The following ERLIN2 variants were observed in gnomAD, a reference collection of about 807,000 sequenced individuals.
ERLIN2 encodes ER lipid raft associated 2.
ERLIN2 carries 22 observed loss-of-function variants against 41.5 expected under a neutral mutation model. The ratio of observed to expected loss-of-function variants is 0.53; its 90% CI spans 0.38 to 0.76. The LOEUF is 0.76. Among genes scored for constraint, ERLIN2 ranks in the 30% least tolerant of loss-of-function variants. ERLIN2 has a pLI of 0.00. For missense variants in ERLIN2, 247 were observed against 414.3 expected (o/e 0.60, Z 3.51); for synonymous variants, 149 against 150.9 (o/e 0.99, Z 0.09).
At chr8:37,744,219 C>G in intron 4 of ERLIN2, 136 bp from the exon 5 acceptor site, 1 of 814,704 alleles carries the variant, frequency 1.2e-6, no homozygotes, top group Non-Finnish European at 2.2e-6. Context: ...ACTTGGAGAT[C>G]CAAGCTGCCT....
At chr8:37,744,527 G>A (rs925560594) in intron 5 of ERLIN2, 44 bp from the exon 6 acceptor site, 11 of 1,613,784 alleles carry the variant, frequency 6.8e-6, no homozygotes, top group African/African-American at 1.3e-5. Flanking sequence ...AGGGCATTTT[G>A]AGTCTTGCCT....
chr8:37,742,248 G>A (rs1802876046), intron 4 of ERLIN2, among the ~76,000 whole-genome samples: 1 of 151,820 alleles, frequency 6.6e-6, no homozygotes, highest in Admixed American at 6.6e-5. Flanking sequence ...GGCTGAGGCA[G>A]GGGAATGACT....
chr8:37,742,505 G>A (rs1367649326), intron 4 of ERLIN2, among the ~76,000 whole-genome samples: 3 of 152,010 alleles, frequency 2.0e-5, no homozygotes, highest in South Asian at 2.1e-4. Context: ...CCTTTGCACG[G>A]GACATGGATG....
At chr8:37,745,508 A>T in intron 6 of ERLIN2, 1 of 1,540,476 alleles carries the variant, frequency 6.5e-7, no homozygotes, top group South Asian at 1.1e-5. Context: ...GAAATTCTCT[A>T]ATAGCCAATG....
chr8:37,751,775 G>C, intron 10 of ERLIN2, 60 bp downstream of exon 10: 1 of 1,313,754 alleles, frequency 7.6e-7, no homozygotes, highest in Non-Finnish European at 1.1e-6. Flanking sequence ...TGGCCAGTGG[G>C]TTGGGGAGCC....
intron 4 of ERLIN2, among the ~76,000 whole-genome samples, chr8:37,742,276 G>C (rs1275799560): frequency 6.6e-6 from 1 of 150,968 alleles, no homozygotes; most frequent in Non-Finnish European, 1.5e-5. Flanking sequence ...GGGAGGCAGA[G>C]ATTGCAGTGA....
Position 37,745,709 on chromosome 8 carries a change from G to A in ERLIN2, c.424+1013G>A, listed in dbSNP as rs933810274. On this transcript the variant is annotated intron_variant, in intron 6 of 11. Coordinates refer to ENST00000519638, the MANE Select transcript of ERLIN2 (RefSeq NM_007175.8). ...GCCTTTTGCACCATTTAAGATTTAGGAAATCATCCAAATTACTTTTAATGT... is the reference window on the plus strand; with the variant it reads ...GCCTTTTGCACCATTTAAGATTTAGAAAATCATCCAAATTACTTTTAATGT... 3.2e-6 allele frequency: 5 copies of A among 1,576,428 alleles called. No individual in the cohort carries two copies. In the African/African-American group the frequency reaches 6.8e-5, roughly 21 times the overall value.
chr8:37,751,269 T>G (rs1330039832), intron 9 of ERLIN2, among the ~76,000 whole-genome samples: 1 of 152,262 alleles, frequency 6.6e-6, no homozygotes, highest in Admixed American at 6.5e-5. Context: ...AGCTATGTTC[T>G]AAGTCACTGC....
At position 37,755,555 on chromosome 8, in the gene ERLIN2, A is replaced by ACCCCCCCCCCCCCCCCCCCCCCCCCCC. The variant is rs1803335056; in HGVS notation, c.*1446_*1447insCCCCCCCCCCCCCCCCCCCCCCCCCCC. ...TTGGCCCTGTTATGAGCTGACCCCC[A>ACCCCCCCCCCCCCCCCCCCCCCCCCCC]CCCCCCACCCCCCACCCCCCCCCCC... On this transcript the variant is annotated 3_prime_UTR_variant, in exon 12 of 12. Transcript: ENST00000519638. 1 of 62,400 alleles carries ACCCCCCCCCCCCCCCCCCCCCCCCCCC rather than the reference A, an allele frequency of 1.6e-5. No homozygotes were observed. Among genetic ancestry groups the ACCCCCCCCCCCCCCCCCCCCCCCCCCC allele is most frequent in the African/African-American group, 6.4e-5 (1 of 15,648 alleles). The allele number at this position is 62,400 out of a possible 1,614,324, so 3.9% of individuals were successfully genotyped here.
At chr8:37,750,988 G>A (rs1386419785) in intron 9 of ERLIN2, among the ~76,000 whole-genome samples, 1 of 152,084 alleles carries the variant, frequency 6.6e-6, no homozygotes, top group Non-Finnish European at 1.5e-5. Flanking sequence ...CAAAGTGCTG[G>A]GATTACAGAC....
Position 37,754,155 on chromosome 8 carries a change from C to G in ERLIN2, c.*40C>G, listed in dbSNP as rs1470418250. 1 of 1,420,598 alleles carries G rather than the reference C, an allele frequency of 7.0e-7. No individual in the cohort carries two copies. Among genetic ancestry groups the G allele is most frequent in the African/African-American group, 1.4e-5 (1 of 70,808 alleles). The allele number at this position is 1,420,598 out of a possible 1,614,324, so 88.0% of individuals were successfully genotyped here. Reference sequence around the variant, plus strand: ...GACTGCAAATGATACTTAAGCAGATCTTTATTTTTTAAGATGAATCAGAAT... The same window carrying G: ...GACTGCAAATGATACTTAAGCAGATGTTTATTTTTTAAGATGAATCAGAAT... On this transcript the variant is annotated 3_prime_UTR_variant, in exon 12 of 12. Transcript: ENST00000519638.
At chr8:37,745,291 G>A in intron 6 of ERLIN2, 1 of 509,702 alleles carries the variant, frequency 2.0e-6, no homozygotes, top group Non-Finnish European at 3.5e-6. Context: ...CAGAACCTTT[G>A]TGATTATTAT....
intron 1 of ERLIN2, chr8:37,737,040 C>G (rs536011794): frequency 8.6e-5 from 83 of 963,736 alleles, no homozygotes; most frequent in Non-Finnish European, 9.9e-5. Context: ...GTCCGCGCCC[C>G]GGTTACGTTA....
Position 37,745,961 on chromosome 8 carries a change from C to T in ERLIN2, c.424+1265C>T, listed in dbSNP as rs1803034046. ...AGCACTGAAAAAAGACAAAGGATCC[C>T]TAATGTCCCTGAAGAGGAAATTAAA... On this transcript the variant is annotated intron_variant, in intron 6 of 11. Transcript: ENST00000519638. The T allele has an allele frequency of 2.8e-6, 3 of 1,058,042 alleles. No individual in the cohort carries two copies. The Admixed American group carries it at 1.5e-4, about 52-fold the overall frequency. 65.5% of individuals were successfully genotyped at this position (1,058,042 alleles called of 1,614,324 possible).
Position 37,736,679 on chromosome 8 carries a change from G to A in ERLIN2, c.-16+1G>A. On this transcript the variant is annotated splice_donor_variant, in intron 1 of 11. Transcript: ENST00000519638. LOFTEE classifies it low-confidence loss of function (5UTR_SPLICE). Reference sequence around the variant, plus strand: ...ACGGAGCGCCTGCAGGGACAGCCTGGTACGCGGCCCCCGCCCCTTCGTGCG... The same window carrying A: ...ACGGAGCGCCTGCAGGGACAGCCTGATACGCGGCCCCCGCCCCTTCGTGCG... The A allele has an allele frequency of 1.0e-6, 1 of 985,648 alleles. No homozygotes were observed. The highest frequency in any genetic ancestry group is 1.2e-6 in the Non-Finnish European group (1 of 830,068). 61.1% of individuals were successfully genotyped at this position (985,648 alleles called of 1,614,324 possible).
chr8:37,756,454 C>G lies in ERLIN2; in HGVS notation c.*2339C>G, dbSNP rs1026808389. On this transcript the variant is annotated 3_prime_UTR_variant, in exon 12 of 12. Coordinates refer to ENST00000519638, the MANE Select transcript of ERLIN2 (RefSeq NM_007175.8). ...TTTGCTCAGGTCTTAACTTGAGGGC[C>G]TCTCCGGTACTAACATCCTGCGATA... 2.0e-5 allele frequency: 3 copies of G among 152,614 alleles called. No homozygotes were observed. The highest frequency in any genetic ancestry group is 2.9e-5 in the Non-Finnish European group (2 of 68,046). The allele number at this position is 152,614 out of a possible 1,614,324, so 9.5% of individuals were successfully genotyped here. A position where few individuals can be genotyped will look rare whatever the true frequency, so the allele number is the denominator to read the frequency against.
At chr8:37,749,351 C>A (rs542741413) in intron 6 of ERLIN2, among the ~76,000 whole-genome samples, 47 of 152,166 alleles carry the variant, frequency 3.1e-4, no homozygotes, top group Non-Finnish European at 4.9e-4. Context: ...AAAGAAAATG[C>A]CCTTGCGTTC....
At chr8:37,738,673 C>G (rs1802742912) in intron 2 of ERLIN2, among the ~76,000 whole-genome samples, 2 of 152,122 alleles carry the variant, frequency 1.3e-5, no homozygotes, top group Non-Finnish European at 2.9e-5. Context: ...ATCACCTGAG[C>G]CCAGGAGATT....
chr8:37,746,696 G>GGTAAGACAGC, intron 6 of ERLIN2: 1 of 218,378 alleles, frequency 4.6e-6, no homozygotes, highest in Non-Finnish European at 7.8e-6. Context: ...GATCTGAGCT[G>GGTAAGACAGC]TCTTACCCGC....
Sources: gnomAD v4.1 joint callset for allele counts (sites outside exome capture counted in the v4.1 genomes callset) on GRCh38, gnomAD v4.1.1 for gene constraint, MANE v1.5 for transcripts, NCBI Gene and HGNC (gene_info 2026-07-23, HGNC 2026-07-21) for gene names.